The following HSPA12A variants were observed in gnomAD, a reference collection of about 807,000 sequenced individuals.
HSPA12A encodes the protein heat shock protein family A (Hsp70) member 12A.
Under a neutral mutation model 69.2 loss-of-function variants are expected in HSPA12A, and 28 were observed. The observed-to-expected ratio is 0.40, with a 90% CI of 0.30 to 0.55. The LOEUF is 0.55. HSPA12A is among the 20% of genes least tolerant of loss of function. HSPA12A has a pLI of 0.38. For synonymous variants in HSPA12A, 345 were observed against 370.5 expected, an observed-to-expected ratio of 0.93 and a Z score of 0.79; for missense variants, 686 against 900.7, an observed-to-expected ratio of 0.76 and a Z score of 3.05.
intron 1 of HSPA12A, among the ~76,000 whole-genome samples, chr10:116,715,112 C>G (rs1202803129): frequency 2.0e-5 from 3 of 152,188 alleles, no homozygotes; most frequent in African/African-American, 7.2e-5. Flanking sequence ...AACCTATGGA[C>G]TAGAAGGTCT....
intron 10 of HSPA12A, among the ~76,000 whole-genome samples, chr10:116,678,250 T>A (rs1849295806): frequency 6.8e-6 from 1 of 146,482 alleles, no homozygotes; most frequent in Non-Finnish European, 1.5e-5. Context: ...TCGTGTCCCC[T>A]GATGGGATGC....
At chr10:116,776,724 T>A (rs1844347103) in intron 2 of HSPA12A, among the ~76,000 whole-genome samples, 1 of 152,244 alleles carries the variant, frequency 6.6e-6, no homozygotes, top group African/African-American at 2.4e-5. Flanking sequence ...AGTTTTATTT[T>A]CTTAATTGTT....
At chr10:116,733,337 G>A (rs1851218828) in intron 1 of HSPA12A, among the ~76,000 whole-genome samples, 1 of 152,170 alleles carries the variant, frequency 6.6e-6, no homozygotes, top group Non-Finnish European at 1.5e-5. Context: ...TGAGGCCTCA[G>A]AGGCAGCAGG....
chr10:116,780,326 TTTTA>T (rs1564817496), intron 2 of HSPA12A, among the ~76,000 whole-genome samples: 1 of 151,500 alleles, frequency 6.6e-6, no homozygotes, highest in Non-Finnish European at 1.5e-5. Context: ...AGAACAATAT[TTTTA>T]TTTATTTTTA....
At chr10:116,756,015 A>T (rs1276065691) in intron 2 of HSPA12A, among the ~76,000 whole-genome samples, 1 of 152,042 alleles carries the variant, frequency 6.6e-6, no homozygotes, top group Non-Finnish European at 1.5e-5. Flanking sequence ...AAATTTTACA[A>T]GCAGAAAAAC....
chr10:116,762,279 T>C (rs1843989099), intron 2 of HSPA12A, among the ~76,000 whole-genome samples: 1 of 152,250 alleles, frequency 6.6e-6, no homozygotes. Context: ...CCTGGATGAC[T>C]GTCAGTTCAT....
intron 6 of HSPA12A, among the ~76,000 whole-genome samples, chr10:116,687,564 G>C (rs1034794402): frequency 3.5e-4 from 53 of 152,292 alleles, no homozygotes; most frequent in African/African-American, 1.2e-3. Flanking sequence ...AAATGCTAAA[G>C]TATCGCCCAG....
At chr10:116,780,767 G>A (rs1453642724) in intron 2 of HSPA12A, among the ~76,000 whole-genome samples, 5 of 152,062 alleles carry the variant, frequency 3.3e-5, no homozygotes, top group Non-Finnish European at 7.4e-5. Context: ...ATTTTTAAGT[G>A]GATATTTCAA....
rs182350909 is a variant in HSPA12A, at chr10:116,849,029, C to T, written c.3+537G>A. Among the ~76,000 whole-genome samples, 32 of 152,326 alleles carry T rather than the reference C, an allele frequency of 2.1e-4. No homozygotes were observed. In the East Asian group the frequency reaches 5.8e-3, roughly 28 times the overall value. Reference sequence around the variant, plus strand: ...GAAAGAATTCCTGAGATCGCCACCGCTCAGTAAGGATGCCCTGAGCCCCTA... The same window carrying T: ...GAAAGAATTCCTGAGATCGCCACCGTTCAGTAAGGATGCCCTGAGCCCCTA... On this transcript the variant is annotated intron_variant, in intron 1 of 12. Coordinates refer to the HSPA12A transcript ENST00000635765.
chr10:116,766,796 G>A (rs897097766), intron 2 of HSPA12A, among the ~76,000 whole-genome samples: 4 of 152,094 alleles, frequency 2.6e-5, no homozygotes, highest in East Asian at 1.9e-4. Flanking sequence ...TACTCTGGCC[G>A]CATCATTTAA....
At chr10:116,735,812 C>T (rs1851298634) in intron 1 of HSPA12A, among the ~76,000 whole-genome samples, 1 of 147,682 alleles carries the variant, frequency 6.8e-6, no homozygotes, top group Non-Finnish European at 1.5e-5. Flanking sequence ...GCCTGGGCAA[C>T]ATAGTGAGAC....
rs1475293331 is a variant in HSPA12A at position 116,686,821 on chromosome 10, ACC to A, written c.664-2861_664-2860del. On this transcript the variant is annotated intron_variant, in intron 6 of 11. Transcript: ENST00000369209. The surrounding 1 kb of genome is among the most constrained non-coding windows in gnomAD (Gnocchi z 4.1). ...TTCCCACACCATAAGCTCCACCCCC[ACC>A]CCTTCCCAAACCATAAGCTCCACCC... Among the ~76,000 whole-genome samples, 2 of 59,372 alleles carry A rather than the reference ACC, an allele frequency of 3.4e-5. No individual in the cohort carries two copies. Among genetic ancestry groups the A allele is most frequent in the Non-Finnish European group, 6.8e-5 (2 of 29,250 alleles). 39.0% of individuals were successfully genotyped at this position (59,372 alleles called of 152,430 possible).
intron 2 of HSPA12A, among the ~76,000 whole-genome samples, chr10:116,812,338 A>G (rs1185828887): frequency 6.6e-6 from 1 of 152,092 alleles, no homozygotes; most frequent in Non-Finnish European, 1.5e-5. Context: ...CTGTAATCCC[A>G]GCTACTCAGG....
chr10:116,845,847 G>A (rs760410571), intron 1 of HSPA12A, among the ~76,000 whole-genome samples: 3 of 151,994 alleles, frequency 2.0e-5, no homozygotes, highest in Non-Finnish European at 2.9e-5. Context: ...TCCTAATATC[G>A]ATGAAAAATA....
intron 2 of HSPA12A, among the ~76,000 whole-genome samples, chr10:116,800,815 G>A (rs1482701375): frequency 1.3e-5 from 2 of 152,154 alleles, no homozygotes; most frequent in African/African-American, 4.8e-5. Context: ...AAGACTCATC[G>A]GAATGCAAAC....
Position 116,719,348 on chromosome 10 carries a change from C to T in HSPA12A, c.41-12063G>A, listed in dbSNP as rs563769791. ...GTGAGTACCCTGAGAAGAGGGTGGACGCACAGGGGCGTGAGGCCACACCTG... is the reference window on the plus strand; with the variant it reads ...GTGAGTACCCTGAGAAGAGGGTGGATGCACAGGGGCGTGAGGCCACACCTG... On this transcript the variant is annotated intron_variant, in intron 1 of 11. Transcript: ENST00000369209. Among the ~76,000 whole-genome samples the T allele has an allele frequency of 2.6e-5, 4 of 152,178 alleles. No individual in the cohort carries two copies. In the South Asian group the frequency reaches 6.2e-4, roughly 24 times the overall value.
intron 2 of HSPA12A, among the ~76,000 whole-genome samples, chr10:116,798,000 G>A (rs1264194019): frequency 6.6e-6 from 1 of 152,160 alleles, no homozygotes; most frequent in Admixed American, 6.5e-5. Flanking sequence ...ACACAGCCAT[G>A]GGAACTTCTG....
intron 6 of HSPA12A, among the ~76,000 whole-genome samples, chr10:116,685,975 G>A (rs1016630655): frequency 1.3e-5 from 2 of 152,098 alleles, no homozygotes; most frequent in East Asian, 1.9e-4. Flanking sequence ...CCAACCACCC[G>A]GGCAGCATCA....
intron 2 of HSPA12A, among the ~76,000 whole-genome samples, chr10:116,775,625 G>C (rs782684305): frequency 2.0e-5 from 3 of 152,200 alleles, no homozygotes; most frequent in Non-Finnish European, 2.9e-5. Flanking sequence ...GGAGTGCTGG[G>C]TGAGCCCTGA....
Sources: allele counts gnomAD v4.1 joint callset (sites outside exome capture counted in the v4.1 genomes callset), GRCh38; gene constraint gnomAD v4.1.1; non-coding constraint Gnocchi (gnomAD v3.1); transcripts MANE v1.5; gene names NCBI Gene and HGNC (gene_info 2026-07-23, HGNC 2026-07-21).